Variants in CETP observed in about 807,000 individuals in gnomAD.
CETP encodes cholesteryl ester transfer protein.
A neutral mutation model predicts 66.5 loss-of-function variants in CETP; 56 were observed. The ratio of observed to expected loss-of-function variants is 0.84; its 90% CI spans 0.68 to 1.05. The LOEUF (loss-of-function observed/expected upper bound fraction) is 1.05, where lower values mean the gene tolerates loss of function less well. CETP is among the 50% of genes least tolerant of loss of function. The probability of loss-of-function intolerance (pLI) is 0.00; values close to 1 mark genes in which losing one functional copy is unlikely to be tolerated. For missense variants in CETP, 612 were observed against 609.6 expected, an observed-to-expected ratio of 1.00 and a Z score of -0.04; for synonymous variants, 251 against 245.7, an observed-to-expected ratio of 1.02 and a Z score of -0.20.
At chr16:56,975,690 G>A (rs2056144437) in intron 10 of CETP, among the ~76,000 whole-genome samples, 1 of 152,058 alleles carries the variant, frequency 6.6e-6, no homozygotes, top group Non-Finnish European at 1.5e-5. Flanking sequence ...ACCTCAAATG[G>A]ACCTCATGCT....
intron 2 of CETP, among the ~76,000 whole-genome samples, chr16:56,963,732 C>T (rs570198655): frequency 3.6e-4 from 55 of 152,220 alleles, no homozygotes; most frequent in African/African-American, 1.3e-3. Context: ...TGCAGTGGCA[C>T]AATCTCAGCT....
chr16:56,977,665 C>A (rs750745109), intron 10 of CETP, among the ~76,000 whole-genome samples: 2 of 152,178 alleles, frequency 1.3e-5, no homozygotes, highest in African/African-American at 2.4e-5. Flanking sequence ...ATCCCCACCC[C>A]TAGCCCAGCT....
intron 10 of CETP, among the ~76,000 whole-genome samples, chr16:56,975,916 C>A (rs535557039): frequency 1.0e-3 from 154 of 152,346 alleles, no homozygotes; most frequent in East Asian, 3.1e-3. Flanking sequence ...GCAACCCACT[C>A]ACCCACACCT....
Position 56,969,974 on chromosome 16 carries a change from T to G in CETP, c.500T>G (p.Leu167Arg), listed in dbSNP as rs2056097946. The change falls in exon 5 of 16, where the codon CTG (leucine) becomes CGG (arginine). Residue 167 changes from leucine to arginine, a missense_variant. Coordinates refer to ENST00000200676, the MANE Select transcript of CETP (RefSeq NM_000078.3). ...GACTGCTACCTGTCTTTCCATAAGC[T>G]GCTCCTGCATCTCCAAGGGGAGCGA... ...APDCYLSFHK[L>R]LLHLQGEREP... 6.2e-7 allele frequency: 1 copy of G among 1,614,088 alleles called. No individual in the cohort carries two copies. Among genetic ancestry groups the G allele is most frequent in the African/African-American group, 1.3e-5 (1 of 75,042 alleles).
intron 14 of CETP, 104 bp downstream of exon 14, chr16:56,982,341 G>A: frequency 9.0e-6 from 10 of 1,107,948 alleles, no homozygotes; most frequent in Non-Finnish European, 1.4e-5. Context: ...CCTCTTCCCA[G>A]TCATTGATAC....
At chr16:56,974,518 G>C (rs2056135901) in intron 9 of CETP, among the ~76,000 whole-genome samples, 1 of 152,170 alleles carries the variant, frequency 6.6e-6, no homozygotes, top group African/African-American at 2.4e-5. Flanking sequence ...TGGATAGATA[G>C]ACAGAGTGAT....
chr16:56,981,685 G>T lies in CETP; in HGVS notation c.1248+5G>T, dbSNP rs1172639322. ...ACTGTTTCCAACTTGACTGAGGTAG[G>T]TAGTCTTGGATAGACTGGGGGAAAT... is the stretch of plus-strand genomic sequence containing the variant. On this transcript the variant is annotated splice_donor_5th_base_variant and intron_variant, in intron 13 of 15. Transcript: ENST00000200676. 3 of 1,613,836 alleles carry T rather than the reference G, an allele frequency of 1.9e-6. No homozygotes were observed. Among genetic ancestry groups the T allele is most frequent in the Non-Finnish European group, 2.5e-6 (3 of 1,179,728 alleles).
chr16:56,976,462 TTTTCTTTTC>T (rs1247090356), intron 10 of CETP, among the ~76,000 whole-genome samples: 1 of 151,958 alleles, frequency 6.6e-6, no homozygotes, highest in Non-Finnish European at 1.5e-5. Flanking sequence ...TAGAAATTTC[TTTTCTTTTC>T]TTTCTTTTTT....
intron 10 of CETP, among the ~76,000 whole-genome samples, chr16:56,977,412 C>G (rs1436196394): frequency 6.6e-6 from 1 of 152,160 alleles, no homozygotes; most frequent in Non-Finnish European, 1.5e-5. Context: ...CCACAGGGCT[C>G]TTGTCCACAC....
chr16:56,977,953 T>G, intron 10 of CETP, 138 bp from the exon 11 acceptor site: 1 of 946,452 alleles, frequency 1.1e-6, no homozygotes, highest in Non-Finnish European at 1.6e-6. Context: ...GCCTGGGGCC[T>G]GGGCACTACC....
At chr16:56,980,015 T>C (rs1261211115) in intron 11 of CETP, among the ~76,000 whole-genome samples, 4 of 152,184 alleles carry the variant, frequency 2.6e-5, no homozygotes, top group African/African-American at 9.6e-5. Flanking sequence ...TGAATAAAAG[T>C]TGCAAAATAC....
At position 56,971,342 on chromosome 16, in the gene CETP, A is replaced by G. The variant is rs774703022; in HGVS notation, c.619A>G (p.Ile207Val). ...KGQICKEINV[I>V]SNIMADFVQT... ...CCAGATCTGCAAAGAGATCAACGTC[A>G]TCTCTAACATCATGGCCGATTTTGT... is the stretch of plus-strand genomic sequence containing the variant. Residue 207 changes from isoleucine (I) to valine (V), a missense_variant, in exon 7 of 16, where the codon ATC becomes GTC. By Grantham distance (29) the Ile-to-Val change is conservative. Transcript: ENST00000200676. 9 of 1,613,990 alleles carry G rather than the reference A, an allele frequency of 5.6e-6. No individual in the cohort carries two copies. The highest frequency in any genetic ancestry group is 8.5e-7 in the Non-Finnish European group (1 of 1,180,040).
intron 2 of CETP, among the ~76,000 whole-genome samples, chr16:56,968,348 G>C (rs1193229959): frequency 6.6e-6 from 1 of 152,066 alleles, no homozygotes; most frequent in Non-Finnish European, 1.5e-5. Context: ...ATCATGCCCG[G>C]TTAATTTTTT....
intron 14 of CETP, 91 bp from the exon 15 acceptor site, chr16:56,983,235 T>C: frequency 1.0e-6 from 1 of 958,790 alleles, no homozygotes; most frequent in Non-Finnish European, 1.7e-6. Context: ...TCCAAAAGGG[T>C]CTCAGCATCT....
Position 56,981,186 on chromosome 16 carries a change from A to T in CETP, c.1175A>T (p.Tyr392Phe). The change falls in exon 12 of 16, where the codon TAT (tyrosine) becomes TTT (phenylalanine). Residue 392 changes from tyrosine to phenylalanine, a missense_variant. Physicochemically the swap from Tyr to Phe is conservative, Grantham distance 22. Coordinates refer to ENST00000200676, the MANE Select transcript of CETP (RefSeq NM_000078.3). ...EDIVTTVQAS[Y>F]SKKKLFLSLL... ...ATCGTGACTACCGTCCAGGCCTCCTATTCTAAGAAAAAGCTCTTCTTAAGC... is the reference window on the plus strand; with the variant it reads ...ATCGTGACTACCGTCCAGGCCTCCTTTTCTAAGAAAAAGCTCTTCTTAAGC... 1.9e-6 allele frequency: 3 copies of T among 1,613,898 alleles called. No individual in the cohort carries two copies. The highest frequency in any genetic ancestry group is 1.7e-6 in the Non-Finnish European group (2 of 1,179,760).
chr16:56,979,346 C>T (rs1219614919), intron 11 of CETP, among the ~76,000 whole-genome samples: 1 of 152,200 alleles, frequency 6.6e-6, no homozygotes, highest in Non-Finnish European at 1.5e-5. Flanking sequence ...ATTGGCATTT[C>T]TCCTCATATG....
intron 15 of CETP, 72 bp downstream of exon 15, chr16:56,983,483 T>G: frequency 6.3e-7 from 1 of 1,594,130 alleles, no homozygotes; most frequent in Middle Eastern, 1.7e-4. Flanking sequence ...CTGGGGTGAC[T>G]GGGGGCTGTT....
chr16:56,971,073 T>C lies in CETP; in HGVS notation c.568T>C (p.Phe190Leu), dbSNP rs1326246526. ...IKQLFTNFIS[F>L]TLKLVLKGQI... ...GCAGCTGTTCACAAATTTCATCTCCTTCACCCTGAAGCTGGTCCTGAAGGG... is the reference window on the plus strand; with the variant it reads ...GCAGCTGTTCACAAATTTCATCTCCCTCACCCTGAAGCTGGTCCTGAAGGG... Residue 190 changes from phenylalanine (F) to leucine (L), a missense_variant, in exon 6 of 16, where the codon TTC (phenylalanine) becomes CTC (leucine). Transcript: ENST00000200676. 1 of 1,614,092 alleles carries C rather than the reference T, an allele frequency of 6.2e-7. No homozygotes were observed. The highest frequency in any genetic ancestry group is 8.5e-7 in the Non-Finnish European group (1 of 1,179,990).
chr16:56,963,052 G>A lies in CETP; in HGVS notation c.161G>A (p.Arg54Gln), dbSNP rs755405744. ...TAKVIQTAFQ[R>Q]ASYPDITGEK... ...AAGGTGATCCAGACCGCCTTCCAGC[G>A]AGCCAGCTACCCAGATATCACGGGC... Residue 54 changes from arginine (R) to glutamine (Q), a missense_variant, in exon 2 of 16, where the codon CGA becomes CAA. Transcript: ENST00000200676. 8 of 1,614,046 alleles carry A rather than the reference G, an allele frequency of 5.0e-6. No individual in the cohort carries two copies. The highest frequency in any genetic ancestry group is 4.0e-5 in the African/African-American group (3 of 74,924).
Sources: gnomAD v4.1 joint callset for allele counts (sites outside exome capture counted in the v4.1 genomes callset) on GRCh38, gnomAD v4.1.1 for gene constraint, MANE v1.5 for transcripts, NCBI Gene and HGNC (gene_info 2026-07-23, HGNC 2026-07-21) for gene names.